OTULIN: variants seen among roughly 807,000 people sequenced by gnomAD.
OTULIN encodes ubiquitin thioesterase otulin.
A neutral mutation model predicts 39.6 loss-of-function variants in OTULIN; 15 were observed. The ratio of observed to expected loss-of-function variants is 0.38; its 90% CI spans 0.25 to 0.58. The LOEUF is 0.58. Among genes scored for constraint, OTULIN ranks in the 20% least tolerant of loss-of-function variants. The pLI, the probability that OTULIN is intolerant of heterozygous loss-of-function variation, is 0.66. For missense variants in OTULIN, 319 were observed against 445.9 expected (o/e 0.72, Z 2.56); for synonymous variants, 156 against 170.3 (o/e 0.92, Z 0.65).
chr5:14,682,938 T>C (rs1464489271), intron 4 of OTULIN, among the ~76,000 whole-genome samples: 3 of 152,048 alleles, frequency 2.0e-5, no homozygotes, highest in African/African-American at 7.2e-5. Context: ...GGAACTGGGG[T>C]GTTTTCCTAG....
At chr5:14,666,865 C>T (rs1421842704) in intron 1 of OTULIN, among the ~76,000 whole-genome samples, 1 of 152,130 alleles carries the variant, frequency 6.6e-6, no homozygotes, top group Non-Finnish European at 1.5e-5. Flanking sequence ...TCCTCACGGC[C>T]TAGAGAAACT....
At chr5:14,709,788 G>GT in the OTULIN span, 10 of 152,646 alleles carry the variant, frequency 6.6e-5, no homozygotes, top group South Asian at 2.1e-3. Flanking sequence ...TCAACTGCAG[G>GT]TATGTTGAGC....
intron 1 of OTULIN, among the ~76,000 whole-genome samples, chr5:14,669,040 A>G (rs1735918801): frequency 6.6e-6 from 1 of 152,240 alleles, no homozygotes; most frequent in Non-Finnish European, 1.5e-5. Flanking sequence ...AATATCAAAA[A>G]TAAAATATTT....
the OTULIN span, among the ~76,000 whole-genome samples, chr5:14,714,067 G>A: frequency 6.6e-6 from 1 of 152,270 alleles, no homozygotes; most frequent in Non-Finnish European, 1.5e-5. Flanking sequence ...GAGCAGAAAA[G>A]CTGGCATCAG....
chr5:14,670,494 A>G (rs547053477), intron 1 of OTULIN, among the ~76,000 whole-genome samples: 3 of 152,124 alleles, frequency 2.0e-5, no homozygotes, highest in African/African-American at 7.2e-5. Flanking sequence ...TTTCTATTAG[A>G]CGGGTAACTA....
chr5:14,692,876 A>G lies in OTULIN; in HGVS notation c.887A>G (p.Tyr296Cys), dbSNP rs778817554. The G allele has an allele frequency of 4.3e-6, 7 of 1,614,054 alleles. No homozygotes were observed. Among genetic ancestry groups the G allele is most frequent in the South Asian group, 1.1e-5 (1 of 91,076 alleles). Residue 296 changes from tyrosine (Y) to cysteine (C), a missense_variant, in exon 7 of 7, where the codon TAT (tyrosine) becomes TGT (cysteine). Coordinates refer to ENST00000284274, the MANE Select transcript of OTULIN (RefSeq NM_138348.6). ...LEQVEMFLLA[Y>C]AVRHTIQVYR... ...CAGGTTGAAATGTTCCTTCTTGCCT[A>G]TGCTGTGCGCCACACCATCCAGGTG...
downstream of OTULIN, among the ~76,000 whole-genome samples, chr5:14,702,997 C>A (rs778135878): frequency 6.6e-6 from 1 of 152,140 alleles, no homozygotes; most frequent in East Asian, 1.9e-4. Flanking sequence ...CCTTTGTGAA[C>A]TGTCATTGGC....
Position 14,692,862 on chromosome 5 carries a change from G to A in OTULIN, c.873G>A (p.Met291Ile). ...GHTGGLEQVE[M>I]FLLAYAVRHT... Reference sequence around the variant, plus strand: ...TTTGCTCTTCTTCCCAGGTTGAAATGTTCCTTCTTGCCTATGCTGTGCGCC... The same window carrying A: ...TTTGCTCTTCTTCCCAGGTTGAAATATTCCTTCTTGCCTATGCTGTGCGCC... The change falls in exon 7 of 7, where the codon ATG becomes ATA. Residue 291 changes from methionine (M) to isoleucine (I), a missense_variant. By Grantham distance (10) the Met-to-Ile change is conservative (BLOSUM62 1). Coordinates refer to ENST00000284274, the MANE Select transcript of OTULIN (RefSeq NM_138348.6). 1 of 1,613,460 alleles carries A rather than the reference G, an allele frequency of 6.2e-7. No individual in the cohort carries two copies. Among genetic ancestry groups the A allele is most frequent in the Non-Finnish European group, 8.5e-7 (1 of 1,179,544 alleles).
chr5:14,692,776 A>T (rs1736563653), intron 6 of OTULIN, 78 bp from the exon 7 acceptor site: 8 of 1,291,872 alleles, frequency 6.2e-6, no homozygotes, highest in Non-Finnish European at 8.8e-6. Context: ...GCACTGTGGG[A>T]TAATGGATGG....
intron 1 of OTULIN, among the ~76,000 whole-genome samples, chr5:14,666,715 A>T (rs116852215): frequency 2.0e-5 from 3 of 152,142 alleles, no homozygotes; most frequent in Non-Finnish European, 4.4e-5. Context: ...TTCACCTCTC[A>T]TAAGATGGGG....
the OTULIN span, chr5:14,708,815 G>A: frequency 6.6e-6 from 1 of 152,284 alleles, no homozygotes; most frequent in Non-Finnish European, 1.5e-5. Context: ...CTTGATCACT[G>A]AAGGAATCTC....
chr5:14,672,608 C>G (rs1736006746), intron 1 of OTULIN, among the ~76,000 whole-genome samples: 1 of 152,054 alleles, frequency 6.6e-6, no homozygotes, highest in Non-Finnish European at 1.5e-5. Flanking sequence ...AATCGGGGGT[C>G]TGATCATTGC....
chr5:14,668,656 A>T (rs191703204), intron 1 of OTULIN, among the ~76,000 whole-genome samples: 19 of 152,322 alleles, frequency 1.2e-4, no homozygotes, highest in African/African-American at 4.3e-4. Context: ...GAGTTGAATT[A>T]AAAAAAGCCA....
At chr5:14,678,145 G>A (rs184564164) in intron 2 of OTULIN, among the ~76,000 whole-genome samples, 1 of 152,326 alleles carries the variant, frequency 6.6e-6, no homozygotes, top group African/African-American at 2.4e-5. Context: ...GAGAGCAAAA[G>A]TGTACGTGAT....
At chr5:14,687,435 CTT>C (rs879305887) in intron 4 of OTULIN, 84 bp from the exon 5 acceptor site, 1 of 1,469,360 alleles carries the variant, frequency 6.8e-7, no homozygotes, top group Non-Finnish European at 9.2e-7. Flanking sequence ...GTTTTATAGA[CTT>C]TGTGGTTTCT....
the OTULIN span, chr5:14,706,189 T>C: frequency 6.6e-6 from 1 of 152,228 alleles, no homozygotes; most frequent in African/African-American, 2.4e-5. Context: ...CTTTAAGTTA[T>C]GTAGCCTAAC....
the OTULIN span, among the ~76,000 whole-genome samples, chr5:14,716,446 T>C: frequency 6.6e-6 from 1 of 152,146 alleles, no homozygotes; most frequent in African/African-American, 2.4e-5. Flanking sequence ...GAGCCGACAT[T>C]GTGCTACTGC....
chr5:14,680,136 C>G (rs936017158), intron 3 of OTULIN, among the ~76,000 whole-genome samples: 8 of 152,230 alleles, frequency 5.3e-5, no homozygotes, highest in Admixed American at 5.2e-4. Context: ...TGGAAAGGTA[C>G]AGCTGCAGTT....
At chr5:14,666,112 C>T (rs1735836547) in intron 1 of OTULIN, among the ~76,000 whole-genome samples, 1 of 152,226 alleles carries the variant, frequency 6.6e-6, no homozygotes, top group Non-Finnish European at 1.5e-5. Context: ...CTGCCTTCTA[C>T]CCTGGTGGTG....
Sources: gnomAD v4.1 joint callset for allele counts (sites outside exome capture counted in the v4.1 genomes callset) on GRCh38, gnomAD v4.1.1 for gene constraint, MANE v1.5 for transcripts, NCBI Gene and HGNC (gene_info 2026-07-23, HGNC 2026-07-21) for gene names.